The following RBM4 variants were observed in gnomAD, a reference collection of about 807,000 sequenced individuals.
RBM4 encodes RNA binding motif protein 4.
RBM4 carries 7 observed loss-of-function variants against 29.5 expected under a neutral mutation model. The observed-to-expected ratio is 0.24, with a 90% confidence interval of 0.14 to 0.45. The LOEUF (loss-of-function observed/expected upper bound fraction) is 0.45. Ranked by LOEUF, RBM4 falls within the 20% of genes least tolerant of loss-of-function variation. The probability of loss-of-function intolerance (pLI) is 1.00; values close to 1 mark genes in which losing one functional copy is unlikely to be tolerated. For synonymous variants in RBM4, 220 were observed against 205.4 expected, an observed-to-expected ratio of 1.07 and a Z score of -0.61; for missense variants, 387 against 502.3, an observed-to-expected ratio of 0.77 and a Z score of 2.19.
chr11:66,639,454 C>T (rs919614170), intron 1 of RBM4: 3 of 553,636 alleles, frequency 5.4e-6, no homozygotes, highest in South Asian at 2.5e-5. Flanking sequence ...GGTATCGGTT[C>T]TTACCAAACC....
chr11:66,662,916 T>C (rs376084876), intron 2 of RBM4, among the ~76,000 whole-genome samples: 3 of 152,230 alleles, frequency 2.0e-5, no homozygotes, highest in South Asian at 2.1e-4. Context: ...ATGAGCCTTA[T>C]GTACATCACC....
chr11:66,648,298 GTTGT>G (rs1938752180), downstream of RBM4, among the ~76,000 whole-genome samples: 1 of 151,870 alleles, frequency 6.6e-6, no homozygotes, highest in South Asian at 2.1e-4. Context: ...AGGCAAGCAG[GTTGT>G]TTGAGCTCAG....
intron 2 of RBM4, chr11:66,652,159 C>G (rs1037557098): frequency 6.6e-6 from 1 of 151,720 alleles, no homozygotes; most frequent in Non-Finnish European, 1.5e-5. Flanking sequence ...GTGGTGCAGT[C>G]TCGGCTCACT....
At chr11:66,640,593 T>C (rs975089364) in intron 2 of RBM4, 3 of 218,184 alleles carry the variant, frequency 1.4e-5, no homozygotes, top group Non-Finnish European at 1.8e-5. Flanking sequence ...ACACAAACTC[T>C]TTAAAGGGTT....
At chr11:66,654,300 G>T (rs1316363825) in intron 2 of RBM4, among the ~76,000 whole-genome samples, 1 of 151,632 alleles carries the variant, frequency 6.6e-6, no homozygotes, top group Non-Finnish European at 1.5e-5. Flanking sequence ...GACCATCCTG[G>T]CTAACATGGT....
At chr11:66,648,822 A>AT (rs979509605), downstream of RBM4, among the ~76,000 whole-genome samples, 19 of 149,518 alleles carry the variant, frequency 1.3e-4, no homozygotes, top group South Asian at 6.4e-4. Context: ...CAAAAAAAAA[A>AT]TTTTTTTTTT....
intron 2 of RBM4, among the ~76,000 whole-genome samples, chr11:66,653,598 G>A (rs1461030416): frequency 1.3e-5 from 2 of 152,030 alleles, no homozygotes; most frequent in Admixed American, 1.3e-4. Context: ...TTGACCTCAG[G>A]TGATCCACCT....
chr11:66,644,061 A>C lies in RBM4; in HGVS notation c.1024A>C (p.Asn342His), dbSNP rs1452887957. The change falls in exon 3 of 4, where the codon AAT (asparagine) becomes CAT (histidine). Residue 342 changes from asparagine to histidine, a missense_variant. Asn to His is a moderately conservative substitution (Grantham distance 68, BLOSUM62 1). Coordinates refer to ENST00000310092, the MANE Select transcript of RBM4 (RefSeq NM_002896.4). Reference protein sequence around the residue: ...ELSQASAAARNSLYDMARYER... With the variant: ...ELSQASAAARHSLYDMARYER... ...GTCCCAAGCTTCAGCAGCCGCGCGG[A>C]ATTCTCTGTACGACATGGCCCGGTA... 1 of 1,613,872 alleles carries C rather than the reference A, an allele frequency of 6.2e-7. No homozygotes were observed. The highest frequency in any genetic ancestry group is 8.5e-7 in the Non-Finnish European group (1 of 1,180,006).
intron 2 of RBM4, among the ~76,000 whole-genome samples, chr11:66,657,133 T>C (rs1461356855): frequency 6.9e-6 from 1 of 145,886 alleles, no homozygotes; most frequent in African/African-American, 2.5e-5. Flanking sequence ...TTTTTTTTTT[T>C]AGGTGCGGTC....
chr11:66,640,056 C>G lies in RBM4; in HGVS notation c.345C>G (p.Phe115Leu). The stretch of plus-strand genomic sequence containing the variant: ...GTGACATCGTGAAAGATTATGCCTT[C>G]GTACACATGGAGCGGGCAGAGGATG... ...IECDIVKDYA[F>L]VHMERAEDAV... The change falls in exon 2 of 4, where the codon TTC becomes TTG. Residue 115 changes from phenylalanine to leucine, a missense_variant. By Grantham distance (22) the Phe-to-Leu change is conservative. Transcript: ENST00000310092. 2 of 1,614,156 alleles carry G rather than the reference C, an allele frequency of 1.2e-6. No homozygotes were observed. Among genetic ancestry groups the G allele is most frequent in the South Asian group, 1.1e-5 (1 of 91,090 alleles).
At chr11:66,663,702 A>ATGTGTGTGTATATGTGTGTG (rs1939130231) in intron 2 of RBM4, among the ~76,000 whole-genome samples, 1 of 148,410 alleles carries the variant, frequency 6.7e-6, no homozygotes, top group African/African-American at 2.5e-5. Flanking sequence ...GTGTGTGTAT[A>ATGTGTGTGTATATGTGTGTG]TGTGTGTGTG....
At position 66,659,113 on chromosome 11, in the gene RBM4, C is replaced by G. The variant is rs375935247; in HGVS notation, c.413-6743C>G. On this transcript the variant is annotated intron_variant, in intron 2 of 2. Transcript: ENST00000396053. ...ATTTAATTTCACCTGTTTCAGTTCCCTATGTGGTTTGCATTTGTGGCTCAC... is the reference window on the plus strand; with the variant it reads ...ATTTAATTTCACCTGTTTCAGTTCCGTATGTGGTTTGCATTTGTGGCTCAC... 2.0e-5 allele frequency among the ~76,000 whole-genome samples: 3 copies of G among 151,458 alleles called. No homozygotes were observed. In the South Asian group the frequency reaches 6.2e-4, roughly 32 times the overall value.
downstream of RBM4, among the ~76,000 whole-genome samples, chr11:66,649,093 G>C (rs935412421): frequency 1.3e-5 from 2 of 151,964 alleles, no homozygotes; most frequent in African/African-American, 4.8e-5. Context: ...CGCAGCCTCT[G>C]CCTCCCGTGT....
chr11:66,655,168 T>C (rs1201427421), intron 2 of RBM4, among the ~76,000 whole-genome samples: 2 of 152,140 alleles, frequency 1.3e-5, no homozygotes, highest in Non-Finnish European at 2.9e-5. Context: ...GTATTTTTAG[T>C]AGGGATGGTG....
chr11:66,666,033 T>C, exon 3 of RBM4: 1 of 1,338,058 alleles, frequency 7.5e-7, no homozygotes, highest in Non-Finnish European at 1.0e-6. Flanking sequence ...GTAAACAAGC[T>C]TTCAGAAATG....
intron 2 of RBM4, among the ~76,000 whole-genome samples, chr11:66,660,431 A>G (rs543274332): frequency 6.8e-6 from 1 of 146,942 alleles, no homozygotes; most frequent in African/African-American, 2.5e-5. Context: ...GGCTCACTAC[A>G]ACCTTTGCCT....
chr11:66,661,875 C>T (rs1023021486), intron 2 of RBM4, among the ~76,000 whole-genome samples: 7 of 151,976 alleles, frequency 4.6e-5, no homozygotes, highest in Admixed American at 2.0e-4. Context: ...ACTAAAAATA[C>T]GAAAATTCAC....
chr11:66,661,979 G>A (rs1043534233), intron 2 of RBM4, among the ~76,000 whole-genome samples: 20 of 152,134 alleles, frequency 1.3e-4, no homozygotes, highest in African/African-American at 4.3e-4. Flanking sequence ...GCAGTGAGCC[G>A]AGATCATGCC....
chr11:66,651,221 G>A (rs767232813), downstream of RBM4, among the ~76,000 whole-genome samples: 12 of 152,080 alleles, frequency 7.9e-5, no homozygotes, highest in East Asian at 2.1e-3. Flanking sequence ...CAGTACTTGT[G>A]TGTTCTTACA....
Sources: gnomAD v4.1 joint callset for allele counts (sites outside exome capture counted in the v4.1 genomes callset) on GRCh38, gnomAD v4.1.1 for gene constraint, MANE v1.5 for transcripts, NCBI Gene and HGNC (gene_info 2026-07-23, HGNC 2026-07-21) for gene names.